Variants in GPR176 observed in about 807,000 individuals in gnomAD.
GPR176 encodes G protein-coupled receptor 176.
A neutral mutation model predicts 35.4 loss-of-function variants in GPR176; 26 were observed. That is an observed-to-expected ratio of 0.74 (90% CI 0.54 to 1.02). The LOEUF is 1.02. Ranked by LOEUF, GPR176 falls within the 50% of genes least tolerant of loss-of-function variation. The probability of loss-of-function intolerance (pLI) is 0.00; values close to 1 mark genes in which losing one functional copy is unlikely to be tolerated. For missense variants in GPR176, 597 were observed against 665.3 expected, an observed-to-expected ratio of 0.90 and a Z score of 1.13; for synonymous variants, 278 against 271.3, an observed-to-expected ratio of 1.02 and a Z score of -0.24.
chr15:39,826,852 T>C (rs942983107), intron 1 of GPR176, among the ~76,000 whole-genome samples: 18 of 152,098 alleles, frequency 1.2e-4, no homozygotes, highest in Non-Finnish European at 2.4e-4. Context: ...TGTATCCTAA[T>C]GAAATGGGGA....
At chr15:39,904,490 G>A (rs1746074546) in intron 1 of GPR176, among the ~76,000 whole-genome samples, 2 of 152,178 alleles carry the variant, frequency 1.3e-5, no homozygotes, top group African/African-American at 4.8e-5. Flanking sequence ...AATAGATAGA[G>A]AACTGTGGGT....
intron 1 of GPR176, chr15:39,813,255 T>A (rs1035725165): frequency 6.6e-6 from 1 of 152,242 alleles, no homozygotes; most frequent in Non-Finnish European, 1.5e-5. Context: ...TCTGGAGATC[T>A]TTATTTCTTT....
chr15:39,905,580 A>T lies in GPR176; in HGVS notation c.172+14275T>A, dbSNP rs977046810. On this transcript the variant is annotated intron_variant, in intron 1 of 2. Transcript: ENST00000561100. ...CTGCACTCCAGCCTGGGTGACAGTA[A>T]GACCCTGTGTCAGAAAAAATAAAGT... Among the ~76,000 whole-genome samples the T allele has an allele frequency of 1.7e-4, 26 of 152,152 alleles. 1 individual carries two copies. The highest frequency in any genetic ancestry group is 4.8e-4 in the African/African-American group (20 of 41,424).
At chr15:39,866,533 C>G (rs1292100149) in intron 1 of GPR176, among the ~76,000 whole-genome samples, 1 of 152,094 alleles carries the variant, frequency 6.6e-6, no homozygotes, top group Non-Finnish European at 1.5e-5. Flanking sequence ...GCAAACTTCA[C>G]TAGTAGGATT....
chr15:39,918,045 A>T (rs2033773018), intron 1 of GPR176, among the ~76,000 whole-genome samples: 1 of 3,628 alleles, frequency 2.8e-4, no homozygotes, highest in Admixed American at 8.7e-4. Flanking sequence ...AACTCTGTCT[A>T]AAAAAAAAAA....
intron 1 of GPR176, among the ~76,000 whole-genome samples, chr15:39,859,053 T>C (rs2031425061): frequency 6.6e-6 from 1 of 152,004 alleles, no homozygotes; most frequent in Non-Finnish European, 1.5e-5. Flanking sequence ...GGCCACAAAA[T>C]ACAAATTTTG....
intron 1 of GPR176, among the ~76,000 whole-genome samples, chr15:39,810,112 C>T (rs1413446009): frequency 6.6e-6 from 1 of 150,484 alleles, no homozygotes; most frequent in Non-Finnish European, 1.5e-5. Context: ...GCCACTCCAG[C>T]CTGGGTGACA....
At chr15:39,892,875 G>C (rs1030596316) in intron 1 of GPR176, among the ~76,000 whole-genome samples, 3 of 152,212 alleles carry the variant, frequency 2.0e-5, no homozygotes, top group Non-Finnish European at 4.4e-5. Flanking sequence ...TGGTTTGTAG[G>C]AGTTTGTTAC....
chr15:39,846,707 T>C (rs1359160635), intron 1 of GPR176, among the ~76,000 whole-genome samples: 2 of 152,110 alleles, frequency 1.3e-5, no homozygotes, highest in Non-Finnish European at 2.9e-5. Context: ...GAAAGAAAGC[T>C]TTCAAGCCAG....
intron 1 of GPR176, among the ~76,000 whole-genome samples, chr15:39,853,276 C>A (rs1451040661): frequency 2.0e-5 from 3 of 152,080 alleles, no homozygotes; most frequent in East Asian, 1.9e-4. Context: ...CATAGATGAA[C>A]CTTGAGGACA....
At position 39,847,937 on chromosome 15, in the gene GPR176, C is replaced by T. The variant is rs144532379; in HGVS notation, c.173-40679G>A. On this transcript the variant is annotated intron_variant, in intron 1 of 2. Transcript: ENST00000561100. Reference sequence around the variant, plus strand: ...GGGAAGGTCTCAGGAAACTTACAATCATGGCCGAAGGTGATGGGGAGGCAG... The same window carrying T: ...GGGAAGGTCTCAGGAAACTTACAATTATGGCCGAAGGTGATGGGGAGGCAG... Among the ~76,000 whole-genome samples the T allele has an allele frequency of 2.6e-3, 401 of 152,138 alleles. 4 individuals are homozygous for T. The highest frequency in any genetic ancestry group is 9.3e-3 in the African/African-American group (387 of 41,492).
chr15:39,825,215 A>G (rs1900555427), intron 1 of GPR176, among the ~76,000 whole-genome samples: 1 of 152,180 alleles, frequency 6.6e-6, no homozygotes, highest in Admixed American at 6.5e-5. Flanking sequence ...AAAAGAAAAA[A>G]GGTTTAGAGA....
chr15:39,839,421 C>T (rs536771003), intron 1 of GPR176, among the ~76,000 whole-genome samples: 47 of 152,204 alleles, frequency 3.1e-4, no homozygotes, highest in Middle Eastern at 3.4e-3. Flanking sequence ...AATTGGCTAG[C>T]CATATGTAGA....
chr15:39,810,197 C>T (rs989244295), intron 1 of GPR176, among the ~76,000 whole-genome samples: 2 of 151,212 alleles, frequency 1.3e-5, no homozygotes, highest in Non-Finnish European at 1.5e-5. Flanking sequence ...ACCCCCATGG[C>T]ACATGTTTAC....
intron 1 of GPR176, chr15:39,829,134 G>T: frequency 6.7e-7 from 1 of 1,494,136 alleles, no homozygotes. Context: ...AGAAGCAGTT[G>T]AACTCCAGAG....
chr15:39,822,507 A>T (rs1900341862), intron 1 of GPR176, among the ~76,000 whole-genome samples: 1 of 152,206 alleles, frequency 6.6e-6, no homozygotes, highest in African/African-American at 2.4e-5. Context: ...ATGAAACTAT[A>T]AATTAGTGAG....
At chr15:39,917,341 C>T (rs2033752507) in intron 1 of GPR176, among the ~76,000 whole-genome samples, 2 of 134,994 alleles carry the variant, frequency 1.5e-5, no homozygotes, top group South Asian at 4.9e-4. Flanking sequence ...TGTGATTGAA[C>T]TTTTTTTTTT....
intron 1 of GPR176, among the ~76,000 whole-genome samples, chr15:39,879,540 A>T (rs184973580): frequency 6.6e-6 from 1 of 152,204 alleles, no homozygotes. Context: ...TGCTGCTCAG[A>T]GCTCCCCCTC....
chr15:39,919,808 G>A (rs1277543181), intron 1 of GPR176, 47 bp downstream of exon 1: 6 of 1,348,036 alleles, frequency 4.5e-6, no homozygotes, highest in Non-Finnish European at 4.8e-6. Context: ...CTCCGAGCCT[G>A]TACCCTCGGG....
Sources: allele counts gnomAD v4.1 joint callset (sites outside exome capture counted in the v4.1 genomes callset), GRCh38; gene constraint gnomAD v4.1.1; transcripts MANE v1.5; gene names NCBI Gene and HGNC (gene_info 2026-07-23, HGNC 2026-07-21).